DOCK2: variants seen among roughly 807,000 people sequenced by gnomAD.
The protein encoded by DOCK2 is dedicator of cytokinesis protein 2.
A neutral mutation model predicts 248.9 loss-of-function variants in DOCK2; 87 were observed. The ratio of observed to expected loss-of-function variants is 0.35; its 90% CI spans 0.29 to 0.42. The LOEUF is 0.42. Among genes scored for constraint, DOCK2 ranks in the 10% least tolerant of loss-of-function variants. The pLI is 1.00. For synonymous variants in DOCK2, 805 were observed against 821.6 expected, an observed-to-expected ratio of 0.98 and a Z score of 0.35; for missense variants, 1,747 against 2,300.2, an observed-to-expected ratio of 0.76 and a Z score of 4.92.
chr5:170,016,130 G>A (rs2113818710), intron 32 of DOCK2, among the ~76,000 whole-genome samples: 1 of 152,300 alleles, frequency 6.6e-6, no homozygotes, highest in East Asian at 1.9e-4. Flanking sequence ...ATTATCAGCA[G>A]ATCCTCTCCC....
intron 38 of DOCK2, among the ~76,000 whole-genome samples, chr5:170,043,911 A>T (rs946747995): frequency 1.3e-5 from 2 of 152,258 alleles, no homozygotes; most frequent in Admixed American, 6.5e-5. Context: ...AGCAAAACAG[A>T]CATGCCAATA....
At chr5:170,042,310 G>A (rs995578857) in intron 38 of DOCK2, among the ~76,000 whole-genome samples, 178 bp downstream of exon 38, 3 of 152,034 alleles carry the variant, frequency 2.0e-5, no homozygotes, top group South Asian at 2.1e-4. Flanking sequence ...GTAAGGCACC[G>A]ACATTGCTCA....
intron 27 of DOCK2, among the ~76,000 whole-genome samples, chr5:169,928,711 C>T (rs1185880173): frequency 2.0e-5 from 3 of 152,168 alleles, no homozygotes; most frequent in African/African-American, 4.8e-5. Flanking sequence ...TATGATTTCT[C>T]AACAAGTTAT....
intron 17 of DOCK2, 25 bp from the exon 18 acceptor site, chr5:169,714,003 G>A (rs754263231): frequency 1.9e-6 from 3 of 1,567,872 alleles, no homozygotes; most frequent in Non-Finnish European, 2.6e-6. Context: ...CTTGGCTTGG[G>A]GCAGTAACCA....
intron 26 of DOCK2, among the ~76,000 whole-genome samples, chr5:169,840,072 A>C (rs1769848102): frequency 6.6e-6 from 1 of 152,154 alleles, no homozygotes; most frequent in African/African-American, 2.4e-5. Flanking sequence ...TAAAGAAAAA[A>C]GGTTTAATTG....
At chr5:169,878,314 A>G (rs1456448114) in intron 27 of DOCK2, among the ~76,000 whole-genome samples, 4 of 152,214 alleles carry the variant, frequency 2.6e-5, no homozygotes, top group African/African-American at 4.8e-5. Flanking sequence ...CTACACAGTT[A>G]TTCACTTCAC....
chr5:169,783,126 G>A (rs1028158636), intron 25 of DOCK2, among the ~76,000 whole-genome samples: 5 of 152,180 alleles, frequency 3.3e-5, no homozygotes, highest in South Asian at 2.1e-4. Context: ...AGAGGAGAGA[G>A]CCAGAGGATG....
intron 27 of DOCK2, among the ~76,000 whole-genome samples, chr5:169,923,119 C>T (rs1375517896): frequency 6.6e-6 from 1 of 152,148 alleles, no homozygotes; most frequent in Non-Finnish European, 1.5e-5. Context: ...GGCTCTCAGG[C>T]TCCAAGGCCT....
chr5:169,742,854 G>T (rs1763394503), intron 22 of DOCK2, among the ~76,000 whole-genome samples: 1 of 152,212 alleles, frequency 6.6e-6, no homozygotes, highest in Admixed American at 6.5e-5. Context: ...TCCAAGCCCT[G>T]GGAGCCGGAG....
rs564694452 is a variant in DOCK2 at position 169,779,860 on chromosome 5, C to G, written c.2554+18235C>G. Among the ~76,000 whole-genome samples, 38 of 152,232 alleles carry G rather than the reference C, an allele frequency of 2.5e-4. No homozygotes were observed. In the East Asian group the frequency reaches 7.3e-3, roughly 29 times the overall value. ...TAGGGAGGCAGTTCTCCACTCAGTC[C>G]CCTCAGGTTCCAGGTGTGGAGGAGG... is the stretch of plus-strand genomic sequence containing the variant. On this transcript the variant is annotated intron_variant, in intron 25 of 51. Transcript: ENST00000520908.
chr5:169,641,620 G>A (rs912202632), intron 1 of DOCK2, among the ~76,000 whole-genome samples: 1 of 152,172 alleles, frequency 6.6e-6, no homozygotes, highest in Non-Finnish European at 1.5e-5. Context: ...GAAACAGGAG[G>A]AGCCAGGCCT....
At chr5:169,828,855 T>C (rs931260832) in intron 26 of DOCK2, among the ~76,000 whole-genome samples, 1 of 152,248 alleles carries the variant, frequency 6.6e-6, no homozygotes, top group South Asian at 2.1e-4. Flanking sequence ...ACTTATTTTG[T>C]GACAGGTACT....
At chr5:169,852,850 A>G (rs1015727375) in intron 27 of DOCK2, among the ~76,000 whole-genome samples, 9 of 152,182 alleles carry the variant, frequency 5.9e-5, no homozygotes, top group Non-Finnish European at 1.0e-4. Context: ...GTGAAATACA[A>G]TAAGGCACAC....
intron 25 of DOCK2, among the ~76,000 whole-genome samples, chr5:169,790,703 A>G (rs1766286050): frequency 6.6e-6 from 1 of 152,228 alleles, no homozygotes; most frequent in Non-Finnish European, 1.5e-5. Flanking sequence ...ATTGGATCCC[A>G]ATGCCTCATT....
Position 170,082,969 on chromosome 5 carries a change from T to C in DOCK2, c.*111T>C. ...GAGAGTGGGAGACTGTCCCCATCAG[T>C]TGTCCTTACTTAGAGGAGACAGAGA... is the stretch of plus-strand genomic sequence containing the variant. On this transcript the variant is annotated 3_prime_UTR_variant, in exon 52 of 52. Transcript: ENST00000520908. The C allele has an allele frequency of 1.4e-6, 2 of 1,406,966 alleles. No individual in the cohort carries two copies. The highest frequency in any genetic ancestry group is 9.9e-7 in the Non-Finnish European group (1 of 1,012,140). The allele number at this position is 1,406,966 out of a possible 1,614,324, so 87.2% of individuals were successfully genotyped here. A position where few individuals can be genotyped will look rare whatever the true frequency, so the allele number is the denominator to read the frequency against.
At chr5:170,050,480 G>A in intron 41 of DOCK2, 83 bp downstream of exon 41, 5 of 1,483,122 alleles carry the variant, frequency 3.4e-6, no homozygotes, top group Non-Finnish European at 4.5e-6. Flanking sequence ...CCACCTTAGA[G>A]CTCAGGGCTG....
intron 32 of DOCK2, among the ~76,000 whole-genome samples, chr5:170,017,827 C>T (rs1484093374): frequency 1.3e-5 from 2 of 152,240 alleles, no homozygotes; most frequent in African/African-American, 2.4e-5. Flanking sequence ...CAACACTGCC[C>T]TTGGCACTGA....
At chr5:169,651,783 A>G (rs551011044) in intron 1 of DOCK2, among the ~76,000 whole-genome samples, 1 of 152,188 alleles carries the variant, frequency 6.6e-6, no homozygotes, top group African/African-American at 2.4e-5. Context: ...GGCTGCGTTT[A>G]TGCAGGAGGA....
intron 47 of DOCK2, 85 bp downstream of exon 47, chr5:170,076,169 T>G: frequency 1.3e-6 from 2 of 1,524,500 alleles, no homozygotes; most frequent in Non-Finnish European, 1.8e-6. Flanking sequence ...TTGGAGGGGA[T>G]CCAGCAAAGG....
Sources: gnomAD v4.1 joint callset for allele counts (sites outside exome capture counted in the v4.1 genomes callset) on GRCh38, gnomAD v4.1.1 for gene constraint, MANE v1.5 for transcripts, NCBI Gene and HGNC (gene_info 2026-07-23, HGNC 2026-07-21) for gene names.